KBTBD11: variants seen among roughly 807,000 people sequenced by gnomAD.
The protein encoded by KBTBD11 is kelch repeat and BTB domain-containing protein 11.
For missense variants in KBTBD11, 1,390 were observed against 1,001.8 expected (o/e 1.39, Z -5.23); for synonymous variants, 747 against 499.0 (o/e 1.50, Z -6.63).
At chr8:1,983,466 C>CCCTATTTCCA (rs1816607434) in intron 1 of KBTBD11, among the ~76,000 whole-genome samples, 1 of 152,210 alleles carries the variant, frequency 6.6e-6, no homozygotes, top group Non-Finnish European at 1.5e-5. Flanking sequence ...TTGTCTCGTT[C>CCCTATTTCCA]CCTATTTCCA....
Position 2,003,843 on chromosome 8 carries a change from C to G in KBTBD11, c.*779C>G, listed in dbSNP as rs2129317422. The stretch of plus-strand genomic sequence containing the variant: ...TTAAGTCTTCAGTGGCTAAATGTGA[C>G]CAAACAGCACATCATAAGTAGGAAA... On this transcript the variant is annotated 3_prime_UTR_variant, in exon 2 of 2. Transcript: ENST00000320248. The G allele has an allele frequency of 6.0e-6, 1 of 167,006 alleles. No homozygotes were observed. The highest frequency in any genetic ancestry group is 2.1e-4 in the South Asian group (1 of 4,824). 10.3% of individuals were successfully genotyped at this position (167,006 alleles called of 1,614,324 possible).
At position 2,002,682 on chromosome 8, in the gene KBTBD11, C is replaced by T. The variant is rs1350209931; in HGVS notation, c.1490C>T (p.Ala497Val). The change falls in exon 2 of 2, where the codon GCT (alanine) becomes GTT (valine). Residue 497 changes from alanine to valine, a missense_variant. Coordinates refer to ENST00000320248, the MANE Select transcript of KBTBD11 (RefSeq NM_014867.3). This position sits in a 1 kb window ranked among gnomAD's most constrained non-coding sequence, Gnocchi z 4.1. Reference protein sequence around the residue: ...SSRERSADMVALDGFIYRFDL... With the variant: ...SSRERSADMVVLDGFIYRFDL... Reference sequence around the variant, plus strand: ...CGCGAGCGCTCGGCCGACATGGTGGCTCTCGACGGCTTCATCTACCGCTTC... The same window carrying T: ...CGCGAGCGCTCGGCCGACATGGTGGTTCTCGACGGCTTCATCTACCGCTTC... 12 of 1,561,202 alleles carry T rather than the reference C, an allele frequency of 7.7e-6. No homozygotes were observed. Among genetic ancestry groups the T allele is most frequent in the South Asian group, 2.3e-5 (2 of 85,538 alleles).
At chr8:1,976,271 T>C (rs1404411097) in intron 1 of KBTBD11, 1 of 151,950 alleles carries the variant, frequency 6.6e-6, no homozygotes, top group African/African-American at 2.4e-5. Flanking sequence ...ATCGTGTCAA[T>C]TGTGGTCTTG....
rs541540802 is a variant in KBTBD11 at position 2,002,504 on chromosome 8, G to A, written c.1312G>A (p.Val438Met). The A allele has an allele frequency of 5.3e-6, 8 of 1,513,084 alleles. No homozygotes were observed. The highest frequency in any genetic ancestry group is 7.0e-6 in the Non-Finnish European group (8 of 1,140,468). 93.7% of individuals were successfully genotyped at this position (1,513,084 alleles called of 1,614,324 possible). The stretch of plus-strand genomic sequence containing the variant: ...CCCGCGCGCCGACCGCTGGGCCCCC[G>A]TGGCGCCGCTGCCCCGGGGCGCCTT... ...YDPRADRWAP[V>M]APLPRGAFAV... The change falls in exon 2 of 2, where the codon GTG becomes ATG. Residue 438 changes from valine to methionine, a missense_variant. Transcript: ENST00000320248. The surrounding 1 kb of genome is among the most constrained non-coding windows in gnomAD (Gnocchi z 4.1).
intron 1 of KBTBD11, among the ~76,000 whole-genome samples, chr8:1,999,803 G>A (rs1212568199): frequency 1.3e-5 from 2 of 152,196 alleles, no homozygotes; most frequent in Non-Finnish European, 2.9e-5. Context: ...AACCGAATGT[G>A]AAATAATTAA....
rs1255987667 is a variant in KBTBD11, at chr8:2,005,608, C to CT, written c.*2545dup. 1 of 167,102 alleles carries CT rather than the reference C, an allele frequency of 6.0e-6. No homozygotes were observed. The highest frequency in any genetic ancestry group is 2.4e-5 in the African/African-American group (1 of 41,472). The allele number at this position is 167,102 out of a possible 1,614,324, so 10.4% of individuals were successfully genotyped here. A position where few individuals can be genotyped will look rare whatever the true frequency, so the allele number is the denominator to read the frequency against. ...ACCTTTTCCAATTCAAAGTGGTGTT[C>CT]TAAGTCTGCGTCCAACACTGTGTAG... On this transcript the variant is annotated 3_prime_UTR_variant, in exon 2 of 2. Coordinates refer to ENST00000320248, the MANE Select transcript of KBTBD11 (RefSeq NM_014867.3).
rs371082181 is a variant in KBTBD11 at position 1,993,064 on chromosome 8, C to T, written c.-908-7221C>T. On this transcript the variant is annotated intron_variant, in intron 1 of 1. Transcript: ENST00000320248. ...AAGTGATCCTCTGACCCCAGCTTCC[C>T]GCGTAGCTAGGGCTACAAATGCTGC... 1.1e-4 allele frequency among the ~76,000 whole-genome samples: 16 copies of T among 152,062 alleles called. 2 individuals carry two copies. Among genetic ancestry groups the T allele is most frequent in the East Asian group, 5.8e-4 (3 of 5,188 alleles).
At chr8:1,992,009 A>G (rs1377666901) in intron 1 of KBTBD11, among the ~76,000 whole-genome samples, 1 of 151,994 alleles carries the variant, frequency 6.6e-6, no homozygotes, top group Non-Finnish European at 1.5e-5. Flanking sequence ...GAGGTCATCT[A>G]CCCAAGGGCC....
intron 1 of KBTBD11, among the ~76,000 whole-genome samples, chr8:1,977,908 C>A (rs1274443522): frequency 6.6e-6 from 1 of 152,188 alleles, no homozygotes; most frequent in Non-Finnish European, 1.5e-5. Flanking sequence ...AGATGCAGTT[C>A]ACAGTTCTGA....
chr8:1,991,619 C>A (rs1217807060), intron 1 of KBTBD11, among the ~76,000 whole-genome samples: 1 of 151,412 alleles, frequency 6.6e-6, no homozygotes, highest in Non-Finnish European at 1.5e-5. Context: ...TTTGCTCTCC[C>A]CACACCAGGT....
Position 2,004,181 on chromosome 8 carries a change from A to C in KBTBD11, c.*1117A>C, listed in dbSNP as rs1817502609. On this transcript the variant is annotated 3_prime_UTR_variant, in exon 2 of 2. Transcript: ENST00000320248. Reference sequence around the variant, plus strand: ...GCTTATCACCATAGATTTGCAAGTAAACTGCATGTATTTAATTGTATTGAA... The same window carrying C: ...GCTTATCACCATAGATTTGCAAGTACACTGCATGTATTTAATTGTATTGAA... 1 of 167,074 alleles carries C rather than the reference A, an allele frequency of 6.0e-6. No homozygotes were observed. The highest frequency in any genetic ancestry group is 2.4e-5 in the African/African-American group (1 of 41,472). 10.3% of individuals were successfully genotyped at this position (167,074 alleles called of 1,614,324 possible). A position where few individuals can be genotyped will look rare whatever the true frequency, so the allele number is the denominator to read the frequency against.
chr8:2,002,489 G>A lies in KBTBD11; in HGVS notation c.1297G>A (p.Asp433Asn). Reference sequence around the variant, plus strand: ...CGTGGAGCGCTACGACCCGCGCGCCGACCGCTGGGCCCCCGTGGCGCCGCT... The same window carrying A: ...CGTGGAGCGCTACGACCCGCGCGCCAACCGCTGGGCCCCCGTGGCGCCGCT... ...LSVERYDPRA[D>N]RWAPVAPLPR... The change falls in exon 2 of 2, where the codon GAC becomes AAC. Residue 433 changes from aspartate to asparagine, a missense_variant. Coordinates refer to ENST00000320248, the MANE Select transcript of KBTBD11 (RefSeq NM_014867.3). The surrounding 1 kb of genome is among the most constrained non-coding windows in gnomAD (Gnocchi z 4.1). 6.6e-7 allele frequency: 1 copy of A among 1,508,504 alleles called. No homozygotes were observed. The highest frequency in any genetic ancestry group is 1.2e-5 in the South Asian group (1 of 81,014). The allele number at this position is 1,508,504 out of a possible 1,614,324, so 93.4% of individuals were successfully genotyped here.
At chr8:1,976,648 A>G (rs998337805) in intron 1 of KBTBD11, among the ~76,000 whole-genome samples, 4 of 151,648 alleles carry the variant, frequency 2.6e-5, no homozygotes, top group African/African-American at 7.3e-5. Context: ...GTTCTCTGCT[A>G]TCTGCAGCTG....
In KBTBD11 at chr8:2,002,723, CGCGGCGAGGCGCAG is replaced by C; in HGVS notation, c.1538_1551del (p.Glu513GlyfsTer96). ...CTACCGCTTCGATCTGAGCGGCAGC[CGCGGCGAGGCGCAG>C]GCGGCGGGGCCGAGCGGGGTCAGCG... On this transcript the variant is annotated frameshift_variant, in exon 2 of 2. Coordinates refer to ENST00000320248, the MANE Select transcript of KBTBD11 (RefSeq NM_014867.3). LOFTEE classifies it low-confidence loss of function (END_TRUNC). This position sits in a 1 kb window ranked among gnomAD's most constrained non-coding sequence, Gnocchi z 4.1. 6.6e-7 allele frequency: 1 copy of C among 1,510,348 alleles called. No individual in the cohort carries two copies. Among genetic ancestry groups the C allele is most frequent in the Non-Finnish European group, 8.8e-7 (1 of 1,136,512 alleles). The allele number at this position is 1,510,348 out of a possible 1,614,324, so 93.6% of individuals were successfully genotyped here.
At position 2,002,774 on chromosome 8, in the gene KBTBD11, C is replaced by T. The variant is rs1817438706; in HGVS notation, c.1582C>T (p.His528Tyr). The part of the protein sequence containing the change: ...GPSGVSVSRY[H>Y]CLAKQWSPCV... ...GAGCGGGGTCAGCGTGTCCCGATAC[C>T]ACTGCCTGGCCAAGCAGTGGAGCCC... The change falls in exon 2 of 2, where the codon CAC (histidine) becomes TAC (tyrosine). Residue 528 changes from histidine to tyrosine, a missense_variant. His to Tyr is a moderately conservative substitution (Grantham distance 83). Coordinates refer to ENST00000320248, the MANE Select transcript of KBTBD11 (RefSeq NM_014867.3). This position sits in a 1 kb window ranked among gnomAD's most constrained non-coding sequence, Gnocchi z 4.1. 3 of 1,473,060 alleles carry T rather than the reference C, an allele frequency of 2.0e-6. No individual in the cohort carries two copies. Among genetic ancestry groups the T allele is most frequent in the Non-Finnish European group, 2.7e-6 (3 of 1,119,898 alleles). 91.2% of individuals were successfully genotyped at this position (1,473,060 alleles called of 1,614,324 possible).
At chr8:1,984,931 G>A (rs1244932626) in intron 1 of KBTBD11, among the ~76,000 whole-genome samples, 1 of 152,188 alleles carries the variant, frequency 6.6e-6, no homozygotes, top group Non-Finnish European at 1.5e-5. Flanking sequence ...CAACATAAGG[G>A]TGTTTCACAG....
intron 1 of KBTBD11, among the ~76,000 whole-genome samples, chr8:1,977,606 C>T (rs1816392345): frequency 6.6e-6 from 1 of 152,186 alleles, no homozygotes; most frequent in African/African-American, 2.4e-5. Flanking sequence ...TCACGGCAAC[C>T]TCCGCCTCCA....
At chr8:1,985,793 TAACA>T (rs1394501677) in intron 1 of KBTBD11, among the ~76,000 whole-genome samples, 15 of 152,348 alleles carry the variant, frequency 9.8e-5, no homozygotes, top group Non-Finnish European at 2.1e-4. Context: ...ACCTTGTCTC[TAACA>T]AACAATGAAG....
chr8:2,002,643 C>G lies in KBTBD11; in HGVS notation c.1451C>G (p.Pro484Arg), dbSNP rs756865323. ...CGGCGCGACGAGTGGCAGGAGTGCC[C>G]GTGCAGCAGCAGCCGCGAGCGCTCG... is the stretch of plus-strand genomic sequence containing the variant. ...DPRRDEWQECPCSSSRERSAD... is the reference protein window; with the variant it reads ...DPRRDEWQECRCSSSRERSAD... The change falls in exon 2 of 2, where the codon CCG becomes CGG. Residue 484 changes from proline to arginine, a missense_variant. Coordinates refer to ENST00000320248, the MANE Select transcript of KBTBD11 (RefSeq NM_014867.3). The surrounding 1 kb of genome is among the most constrained non-coding windows in gnomAD (Gnocchi z 4.1). 10 of 1,578,376 alleles carry G rather than the reference C, an allele frequency of 6.3e-6. No individual in the cohort carries two copies. Among genetic ancestry groups the G allele is most frequent in the Non-Finnish European group, 2.6e-6 (3 of 1,171,366 alleles).
Sources: gnomAD v4.1 joint callset for allele counts (sites outside exome capture counted in the v4.1 genomes callset) on GRCh38, gnomAD v4.1.1 for gene constraint, Gnocchi (gnomAD v3.1) non-coding constraint, MANE v1.5 for transcripts, NCBI Gene and HGNC (gene_info 2026-07-23, HGNC 2026-07-21) for gene names.